The following CEP57L1 variants were observed in gnomAD, a reference collection of about 807,000 sequenced individuals.
CEP57L1 encodes centrosomal protein CEP57L1.
Under a neutral mutation model 61.0 loss-of-function variants are expected in CEP57L1, and 37 were observed. That is an observed-to-expected ratio of 0.61 (90% CI 0.47 to 0.80). The LOEUF (loss-of-function observed/expected upper bound fraction) is 0.80. CEP57L1 is among the 30% of genes least tolerant of loss of function. CEP57L1 has a pLI of 0.00. For synonymous variants in CEP57L1, 137 were observed against 162.3 expected (o/e 0.84, Z 1.19); for missense variants, 422 against 524.7 (o/e 0.80, Z 1.91).
intron 7 of CEP57L1, chr6:109,157,917 C>T (rs1031390606): frequency 6.6e-6 from 1 of 152,044 alleles, no homozygotes; most frequent in African/African-American, 2.4e-5. Flanking sequence ...AATCAAGATA[C>T]AGAACTCTTC....
intron 1 of CEP57L1, among the ~76,000 whole-genome samples, chr6:109,136,451 A>T (rs892565206): frequency 6.6e-6 from 1 of 152,114 alleles, no homozygotes; most frequent in African/African-American, 2.4e-5. Context: ...GCATTAGGAG[A>T]TAAACCTAAT....
chr6:109,135,706 A>G (rs1323365833), intron 1 of CEP57L1, among the ~76,000 whole-genome samples: 1 of 152,194 alleles, frequency 6.6e-6, no homozygotes, highest in African/African-American at 2.4e-5. Context: ...AAGAACTCAA[A>G]CAAATTTACA....
At chr6:109,123,913 A>T (rs1366339440) in intron 1 of CEP57L1, among the ~76,000 whole-genome samples, 1 of 152,000 alleles carries the variant, frequency 6.6e-6, no homozygotes, top group Non-Finnish European at 1.5e-5. Context: ...TATTAAAAAA[A>T]TACAAAAATT....
At chr6:109,117,207 T>G (rs1772410927) in intron 1 of CEP57L1, among the ~76,000 whole-genome samples, 1 of 152,200 alleles carries the variant, frequency 6.6e-6, no homozygotes, top group African/African-American at 2.4e-5. Context: ...TATAGTAAAA[T>G]ATCATGGATT....
chr6:109,154,887 G>A (rs577484413), intron 5 of CEP57L1, among the ~76,000 whole-genome samples: 40 of 151,966 alleles, frequency 2.6e-4, no homozygotes, highest in African/African-American at 8.7e-4. Flanking sequence ...ATGAAACGTT[G>A]AGACCCAAGA....
intron 1 of CEP57L1, among the ~76,000 whole-genome samples, chr6:109,126,706 A>G (rs1773590954): frequency 6.6e-6 from 1 of 152,214 alleles, no homozygotes; most frequent in African/African-American, 2.4e-5. Flanking sequence ...AATTATTAGT[A>G]TGTTCATAAG....
chr6:109,157,293 G>A (rs1773307290), intron 7 of CEP57L1: 2 of 152,158 alleles, frequency 1.3e-5, no homozygotes, highest in East Asian at 1.9e-4. Context: ...CTCTATGAGA[G>A]ATCTGCTTCC....
chr6:109,155,761 A>G, intron 6 of CEP57L1, 30 bp from the exon 7 acceptor site: 1 of 1,131,822 alleles, frequency 8.8e-7, no homozygotes, highest in Non-Finnish European at 1.3e-6. Flanking sequence ...TTACAAATCA[A>G]TGTTATAACC....
intron 1 of CEP57L1, among the ~76,000 whole-genome samples, chr6:109,108,948 T>G (rs1771249406): frequency 6.6e-6 from 1 of 152,196 alleles, no homozygotes; most frequent in African/African-American, 2.4e-5. Flanking sequence ...CTAAATCAAG[T>G]GAACTTAAAT....
chr6:109,101,537 T>G (rs1253645035), intron 1 of CEP57L1, among the ~76,000 whole-genome samples: 1 of 152,208 alleles, frequency 6.6e-6, no homozygotes, highest in East Asian at 1.9e-4. Context: ...AATTTTTAAC[T>G]CATCTAGGAA....
At chr6:109,103,081 C>T (rs1242987272) in intron 1 of CEP57L1, among the ~76,000 whole-genome samples, 1 of 152,072 alleles carries the variant, frequency 6.6e-6, no homozygotes, top group African/African-American at 2.4e-5. Context: ...TTTGCCTAGT[C>T]TTACAAGGTT....
chr6:109,132,951 T>C (rs753579487), intron 1 of CEP57L1, among the ~76,000 whole-genome samples: 1 of 152,192 alleles, frequency 6.6e-6, no homozygotes, highest in African/African-American at 2.4e-5. Context: ...TTGTGTTTTC[T>C]TTCTGATTTG....
At chr6:109,102,120 C>T (rs1359998087) in intron 1 of CEP57L1, among the ~76,000 whole-genome samples, 1 of 152,180 alleles carries the variant, frequency 6.6e-6, no homozygotes, top group Non-Finnish European at 1.5e-5. Context: ...TTTCATACGC[C>T]TATTTGCTGC....
rs1312283234 is a variant in CEP57L1, at chr6:109,173,472, G to C, written c.*10502G>C. Reference sequence around the variant, plus strand: ...AGGGTCTTGTTCTGTCACCCAGGCTGGAGTGGAGTGAATGCAATCAAAGCT... The same window carrying C: ...AGGGTCTTGTTCTGTCACCCAGGCTCGAGTGGAGTGAATGCAATCAAAGCT... On this transcript the variant is annotated 3_prime_UTR_variant, in exon 11 of 11. Transcript: ENST00000517392. 2.8e-5 allele frequency among the ~76,000 whole-genome samples: 4 copies of C among 144,306 alleles called. No individual in the cohort carries two copies. In the Admixed American group the frequency reaches 2.8e-4, roughly 10 times the overall value. The allele number at this position is 144,306 out of a possible 152,430, so 94.7% of individuals were successfully genotyped here.
intron 9 of CEP57L1, 57 bp from the exon 10 acceptor site, chr6:109,160,515 C>A: frequency 7.3e-7 from 1 of 1,366,634 alleles, no homozygotes; most frequent in Non-Finnish European, 1.0e-6. Flanking sequence ...TTAATTATGG[C>A]AAAGAAATAT....
intron 1 of CEP57L1, among the ~76,000 whole-genome samples, chr6:109,139,851 C>G (rs539100241): frequency 1.3e-4 from 20 of 151,886 alleles, no homozygotes; most frequent in African/African-American, 4.8e-4. Flanking sequence ...AGGCTGGTCT[C>G]GAACTCTTGA....
intron 9 of CEP57L1, 141 bp from the exon 10 acceptor site, chr6:109,160,431 C>A (rs1340884528): frequency 2.7e-5 from 16 of 594,692 alleles, no homozygotes; most frequent in Non-Finnish European, 4.3e-5. Context: ...ACTTAATTAA[C>A]CCTAAAGAAA....
chr6:109,152,983 C>T lies in CEP57L1; in HGVS notation c.463-850C>T, dbSNP rs141326922. 8.0e-3 allele frequency among the ~76,000 whole-genome samples: 1,205 copies of T among 151,352 alleles called. 20 individuals are homozygous for T. Among genetic ancestry groups the T allele is most frequent in the African/African-American group, 0.028 (1,150 of 41,276 alleles). On this transcript the variant is annotated intron_variant, in intron 4 of 10. Transcript: ENST00000517392. Reference sequence around the variant, plus strand: ...ACTTAGTGTAGGGCATGGTGGCAGGCGCCTGTAATCCCAGCTATTTGGGAA... The same window carrying T: ...ACTTAGTGTAGGGCATGGTGGCAGGTGCCTGTAATCCCAGCTATTTGGGAA...
intron 4 of CEP57L1, 149 bp from the exon 5 acceptor site, chr6:109,153,684 G>A (rs539277002): frequency 1.5e-5 from 8 of 548,344 alleles, no homozygotes; most frequent in Non-Finnish European, 1.6e-5. Context: ...TTTTTTGCTT[G>A]TAAGCATCTA....
Sources: allele counts gnomAD v4.1 joint callset (sites outside exome capture counted in the v4.1 genomes callset), GRCh38; gene constraint gnomAD v4.1.1; transcripts MANE v1.5; gene names NCBI Gene and HGNC (gene_info 2026-07-23, HGNC 2026-07-21).